The following TLL2 variants were observed in gnomAD, a reference collection of about 807,000 sequenced individuals.
TLL2 encodes the protein tolloid-like protein 2.
TLL2 carries 106 observed loss-of-function variants against 123.0 expected under a neutral mutation model. That is an observed-to-expected ratio of 0.86 (90% CI 0.74 to 1.01). The LOEUF (loss-of-function observed/expected upper bound fraction) is 1.01. TLL2 is among the 50% of genes least tolerant of loss of function. The pLI is 0.00. For missense variants in TLL2, 1,332 were observed against 1,336.7 expected (o/e 1.00, Z 0.06); for synonymous variants, 494 against 516.8 (o/e 0.96, Z 0.60).
chr10:96,454,344 T>A (rs1846990108), intron 2 of TLL2, among the ~76,000 whole-genome samples: 2 of 152,220 alleles, frequency 1.3e-5, no homozygotes, highest in African/African-American at 4.8e-5. Flanking sequence ...TGATGAAGTC[T>A]CAGAATTTGC....
At chr10:96,403,794 T>A (rs1314776847) in intron 10 of TLL2, among the ~76,000 whole-genome samples, 1 of 152,130 alleles carries the variant, frequency 6.6e-6, no homozygotes, top group Non-Finnish European at 1.5e-5. Flanking sequence ...AATGTCTCGG[T>A]ATAAAACCCG....
intron 11 of TLL2, 82 bp downstream of exon 11, chr10:96,397,104 G>A: frequency 7.7e-7 from 1 of 1,306,048 alleles, no homozygotes; most frequent in Non-Finnish European, 1.1e-6. Context: ...GAGTGTCTGG[G>A]CTGGGAGAGG....
chr10:96,400,498 CAAGTAGGAATG>C (rs2134065188), intron 10 of TLL2, among the ~76,000 whole-genome samples: 1 of 152,114 alleles, frequency 6.6e-6, no homozygotes, highest in Non-Finnish European at 1.5e-5. Context: ...TGGAAACAGA[CAAGTAGGAATG>C]AAGATCAAAG....
intron 13 of TLL2, among the ~76,000 whole-genome samples, chr10:96,394,519 A>G (rs1846319021): frequency 6.6e-6 from 1 of 152,172 alleles, no homozygotes. Flanking sequence ...GCAGGTCCCC[A>G]GGGCAACACG....
At chr10:96,479,322 C>T (rs7908548) in intron 2 of TLL2, among the ~76,000 whole-genome samples, 58,973 of 152,068 alleles carry the variant, frequency 0.39, 11,916 homozygotes, top group East Asian at 0.73. Context: ...CCACCAACCC[C>T]TGCAGGGAGC....
At chr10:96,388,185 C>A (rs1314903625) in intron 13 of TLL2, among the ~76,000 whole-genome samples, 1 of 152,108 alleles carries the variant, frequency 6.6e-6, no homozygotes, top group Non-Finnish European at 1.5e-5. Context: ...GGGTGGATCA[C>A]AAGGTCACAA....
intron 4 of TLL2, 58 bp from the exon 5 acceptor site, chr10:96,428,806 CTT>C: frequency 1.9e-5 from 21 of 1,079,632 alleles, no homozygotes; most frequent in South Asian, 3.1e-5. Context: ...TCTTTAGATG[CTT>C]TTTTTTTTCT....
At chr10:96,415,389 C>G (rs1178267724) in intron 7 of TLL2, among the ~76,000 whole-genome samples, 3 of 152,056 alleles carry the variant, frequency 2.0e-5, no homozygotes, top group Non-Finnish European at 4.4e-5. Flanking sequence ...CTTCCCCAAG[C>G]CTTTTCTACT....
chr10:96,476,248 T>TTTTTTTTTTTTTTTTTTTTTTTTTG (rs1285354320), intron 2 of TLL2, among the ~76,000 whole-genome samples: 2 of 69,228 alleles, frequency 2.9e-5, no homozygotes, highest in Non-Finnish European at 2.7e-5. Flanking sequence ...ATATTTTATT[T>TTTTTTTTTTTTTTTTTTTTTTTTTG]TTGTTGTTGT....
At chr10:96,471,535 C>A (rs1046450476) in intron 2 of TLL2, among the ~76,000 whole-genome samples, 1 of 152,186 alleles carries the variant, frequency 6.6e-6, no homozygotes, top group Non-Finnish European at 1.5e-5. Context: ...ACAAGAGAGC[C>A]AGCAAAGGGC....
chr10:96,416,136 A>G (rs1564902821), intron 7 of TLL2, among the ~76,000 whole-genome samples: 1 of 152,112 alleles, frequency 6.6e-6, no homozygotes, highest in Non-Finnish European at 1.5e-5. Context: ...CCTAAATTCA[A>G]TCATTAGCTA....
chr10:96,468,374 G>C (rs1489910835), intron 2 of TLL2, among the ~76,000 whole-genome samples: 1 of 152,216 alleles, frequency 6.6e-6, no homozygotes, highest in Non-Finnish European at 1.5e-5. Context: ...CTGGCCATGA[G>C]GGGCAGGTGC....
chr10:96,384,876 G>T, intron 15 of TLL2, 109 bp from the exon 16 acceptor site: 1 of 1,131,552 alleles, frequency 8.8e-7, no homozygotes, highest in Non-Finnish European at 1.2e-6. Context: ...GTGTGTGGCG[G>T]GGGAGGGTCC....
At chr10:96,406,211 C>G (rs1846447802) in intron 9 of TLL2, among the ~76,000 whole-genome samples, 1 of 152,104 alleles carries the variant, frequency 6.6e-6, no homozygotes, top group Admixed American at 6.5e-5. Flanking sequence ...AGCCCACCAG[C>G]TCGGGGCTCC....
rs147808364 is a variant in TLL2, at chr10:96,473,966, G to T, written c.286+6383C>A. On this transcript the variant is annotated intron_variant, in intron 2 of 20. Coordinates refer to ENST00000357947, the MANE Select transcript of TLL2 (RefSeq NM_012465.4). ...TTCAGCCACTCTCGTATCGAAAAGG[G>T]TGCAAGAGGGTCGGAAAGTGTATGC... Among the ~76,000 whole-genome samples the T allele has an allele frequency of 2.1e-4, 32 of 152,276 alleles. 1 individual carries two copies. The highest frequency in any genetic ancestry group is 7.0e-4 in the African/African-American group (29 of 41,570).
At chr10:96,395,036 G>T in intron 13 of TLL2, 151 bp downstream of exon 13, 2 of 762,756 alleles carry the variant, frequency 2.6e-6, no homozygotes, top group Non-Finnish European at 4.0e-6. Context: ...TCTGCTGGGG[G>T]CTCACACCCA....
At chr10:96,505,460 A>C (rs545360059) in intron 1 of TLL2, among the ~76,000 whole-genome samples, 1 of 152,246 alleles carries the variant, frequency 6.6e-6, no homozygotes, top group African/African-American at 2.4e-5. Flanking sequence ...CAATAATTTT[A>C]AAAATAGTAT....
chr10:96,477,451 C>T (rs34765631), intron 2 of TLL2, among the ~76,000 whole-genome samples: 54,415 of 151,306 alleles, frequency 0.36, 10,046 homozygotes, highest in Middle Eastern at 0.48. Flanking sequence ...CAGGCTCAAG[C>T]GATCCTCCCA....
At chr10:96,422,808 T>C (rs948070570) in intron 5 of TLL2, 81 bp from the exon 6 acceptor site, 1 of 1,458,416 alleles carries the variant, frequency 6.9e-7, no homozygotes, top group African/African-American at 1.4e-5. Context: ...CCACTCTGTA[T>C]GTGTGTGCGT....
Sources: allele counts gnomAD v4.1 joint callset (sites outside exome capture counted in the v4.1 genomes callset), GRCh38; gene constraint gnomAD v4.1.1; transcripts MANE v1.5; gene names NCBI Gene and HGNC (gene_info 2026-07-23, HGNC 2026-07-21).